The following SUPT16H variants were observed in gnomAD, a reference collection of about 807,000 sequenced individuals.
The protein encoded by SUPT16H is FACT complex subunit SPT16.
A neutral mutation model predicts 136.2 loss-of-function variants in SUPT16H; 24 were observed. That is an observed-to-expected ratio of 0.18 (90% CI 0.13 to 0.25). The LOEUF (loss-of-function observed/expected upper bound fraction) is 0.25, where lower values mean the gene tolerates loss of function less well. Among genes scored for constraint, SUPT16H ranks in the 10% least tolerant of loss-of-function variants. SUPT16H has a pLI of 1.00. For missense variants in SUPT16H, 623 were observed against 1,270.2 expected, an observed-to-expected ratio of 0.49 and a Z score of 7.74; for synonymous variants, 415 against 428.2, an observed-to-expected ratio of 0.97 and a Z score of 0.38.
At chr14:21,374,290 T>C (rs1019359058) in intron 1 of SUPT16H, among the ~76,000 whole-genome samples, 1 of 152,276 alleles carries the variant, frequency 6.6e-6, no homozygotes, top group African/African-American at 2.4e-5. Context: ...TTTTTGTCCT[T>C]GTAGGTTTTG....
At chr14:21,355,513 T>TAAAAAAAAAAAAA (rs59639210) in intron 22 of SUPT16H, among the ~76,000 whole-genome samples, 6 of 113,610 alleles carry the variant, frequency 5.3e-5, no homozygotes, top group South Asian at 2.8e-4. Flanking sequence ...ATAATAATAA[T>TAAAAAAAAAAAAA]AAAAAAAAAA....
At chr14:21,370,598 C>T in intron 3 of SUPT16H, 110 bp from the exon 4 acceptor site, 1 of 1,177,612 alleles carries the variant, frequency 8.5e-7, no homozygotes, top group Non-Finnish European at 1.2e-6. Context: ...AATTAATTCT[C>T]CTCCCATCCC....
chr14:21,373,832 A>G (rs1886839824), intron 1 of SUPT16H, among the ~76,000 whole-genome samples: 1 of 152,120 alleles, frequency 6.6e-6, no homozygotes, highest in Non-Finnish European at 1.5e-5. Context: ...GGTTCAAGCA[A>G]TTCTCCTGCC....
rs755741220 is a variant in SUPT16H at position 21,361,137 on chromosome 14, T to C, written c.1870A>G (p.Ile624Val). The change falls in exon 16 of 26, where the codon ATT becomes GTT. Residue 624 changes from isoleucine to valine, a missense_variant. This residue lies in a region of SUPT16H where 62 missense variants were observed against 200.5 expected (regional missense o/e 0.31). Coordinates refer to ENST00000216297, the MANE Select transcript of SUPT16H (RefSeq NM_007192.4). ...TAACGTTTCTGTACTTCTTTAATAA[T>C]TCGGAAAGCATTCTGAAGGTTCAAG... Reference protein sequence around the residue: ...PALNLQNAFRIIKEVQKRYKT... With the variant: ...PALNLQNAFRVIKEVQKRYKT... The C allele has an allele frequency of 2.5e-6, 4 of 1,614,160 alleles. No individual in the cohort carries two copies. The highest frequency in any genetic ancestry group is 3.4e-6 in the Non-Finnish European group (4 of 1,180,042).
intron 5 of SUPT16H, 34 bp downstream of exon 5, chr14:21,369,716 A>C: frequency 6.2e-7 from 1 of 1,611,346 alleles, no homozygotes; most frequent in Non-Finnish European, 8.5e-7. Flanking sequence ...CTGCTTCATT[A>C]AAACAGTAAA....
intron 8 of SUPT16H, among the ~76,000 whole-genome samples, chr14:21,365,356 T>G (rs1016494667): frequency 1.3e-5 from 2 of 152,252 alleles, no homozygotes; most frequent in Non-Finnish European, 2.9e-5. Context: ...ATTTCCTAAT[T>G]GATTATATCG....
At chr14:21,357,482 G>GTTTT in intron 21 of SUPT16H, 116 bp from the exon 22 acceptor site, 1 of 1,043,616 alleles carries the variant, frequency 9.6e-7, no homozygotes, top group Non-Finnish European at 1.3e-6. Context: ...CTGTTTTTTG[G>GTTTT]TTTTTTTTTT....
rs1006410488 is a variant in SUPT16H, at chr14:21,366,453, A to G, written c.1032T>C (p.Ile344=). 6.2e-7 allele frequency: 1 copy of G among 1,613,876 alleles called. No homozygotes were observed. Among genetic ancestry groups the G allele is most frequent in the African/African-American group, 1.3e-5 (1 of 74,896 alleles). ...KKQKPELLNK[I]TKNLGFGMGI... is the part of the protein sequence containing the mutation. ...TCATGGCATACCCTAGGTTTTTGGT[A>G]ATTTTGTTCAGCAGTTCTGGCTTCT... The change falls in exon 8 of 26, where the codon ATT becomes ATC. Residue 344 remains isoleucine (I), a synonymous_variant. Coordinates refer to ENST00000216297, the MANE Select transcript of SUPT16H (RefSeq NM_007192.4).
intron 22 of SUPT16H, chr14:21,354,931 T>G (rs1886394426): frequency 6.1e-6 from 1 of 163,164 alleles, no homozygotes. Flanking sequence ...CCAGATCATG[T>G]CCCAATGGCT....
At chr14:21,372,332 A>G in intron 2 of SUPT16H, 2 of 357,162 alleles carry the variant, frequency 5.6e-6, no homozygotes, top group East Asian at 6.1e-5. Context: ...TGTTTATAGG[A>G]AGTATATCAA....
chr14:21,357,263 C>G lies in SUPT16H; in HGVS notation c.2594G>C (p.Ser865Thr). The part of the protein sequence containing the change: ...FDMVIVYKDY[S>T]KKVTMINAIP... ...GGCGTTGATCATGGTCACTTTCTTGCTGTAGTCCTTGTAGACGATTACCAT... is the reference window on the plus strand; with the variant it reads ...GGCGTTGATCATGGTCACTTTCTTGGTGTAGTCCTTGTAGACGATTACCAT... Residue 865 changes from serine (S) to threonine (T), a missense_variant, in exon 22 of 26, where the codon AGC becomes ACC. This residue lies in a region of SUPT16H where 74 missense variants were observed against 193.8 expected (regional missense o/e 0.38). Coordinates refer to ENST00000216297, the MANE Select transcript of SUPT16H (RefSeq NM_007192.4). 6.2e-7 allele frequency: 1 copy of G among 1,613,474 alleles called. No homozygotes were observed. Among genetic ancestry groups the G allele is most frequent in the Non-Finnish European group, 8.5e-7 (1 of 1,179,692 alleles).
Position 21,358,301 on chromosome 14 carries a change from A to G in SUPT16H, c.2414+14T>C, listed in dbSNP as rs1886478222. ...AGACCAGTCAAACTTCAAGCCAAAA[A>G]TAAGATAGGTTACCCCAAGTCCCTA... On this transcript the variant is annotated intron_variant, in intron 20 of 25. Transcript: ENST00000216297. 6.4e-7 allele frequency: 1 copy of G among 1,550,514 alleles called. No individual in the cohort carries two copies. Among genetic ancestry groups the G allele is most frequent in the East Asian group, 2.2e-5 (1 of 44,520 alleles).
intron 1 of SUPT16H, among the ~76,000 whole-genome samples, chr14:21,377,378 G>T (rs984329075): frequency 2.6e-5 from 4 of 152,184 alleles, no homozygotes; most frequent in Admixed American, 2.6e-4. Context: ...CTTCTCAAAA[G>T]TAACACTGAA....
chr14:21,358,182 A>T lies in SUPT16H; in HGVS notation c.2414+133T>A, dbSNP rs561641582. 8 of 817,404 alleles carry T rather than the reference A, an allele frequency of 9.8e-6. No individual in the cohort carries two copies. The African/African-American group carries it at 1.4e-4, about 14-fold the overall frequency. The allele number at this position is 817,404 out of a possible 1,614,324, so 50.6% of individuals were successfully genotyped here. A position where few individuals can be genotyped will look rare whatever the true frequency, so the allele number is the denominator to read the frequency against. On this transcript the variant is annotated intron_variant, in intron 20 of 25. Coordinates refer to ENST00000216297, the MANE Select transcript of SUPT16H (RefSeq NM_007192.4). ...TAAACCCTTAAACATTTTCAAGAAA[A>T]AATGGATGTCTCAAAGATTATTAGT...
intron 1 of SUPT16H, 46 bp downstream of exon 1, chr14:21,383,816 G>A (rs1457254151): frequency 1.2e-6 from 2 of 1,607,678 alleles, no homozygotes; most frequent in South Asian, 2.2e-5. Flanking sequence ...GTTATTATGG[G>A]ATGGCTAAGG....
intron 11 of SUPT16H, 24 bp downstream of exon 11, chr14:21,363,414 A>G (rs770705247): frequency 1.2e-5 from 20 of 1,611,974 alleles, no homozygotes; most frequent in Non-Finnish European, 1.6e-5. Context: ...AACTTCCTAT[A>G]CTACTTATCT....
rs143194588 is a variant in SUPT16H at position 21,366,642 on chromosome 14, A to C, written c.956-113T>G. ...AGCAGTGTTTCTCAAAGTGTGAACT[A>C]AACAGTCCACTCACTTTTTTTTTTT... On this transcript the variant is annotated intron_variant, in intron 7 of 25. Coordinates refer to ENST00000216297, the MANE Select transcript of SUPT16H (RefSeq NM_007192.4). The C allele has an allele frequency of 4.2e-6, 4 of 961,620 alleles. No homozygotes were observed. In the African/African-American group the frequency reaches 5.6e-5, roughly 14 times the overall value. The allele number at this position is 961,620 out of a possible 1,614,324, so 59.6% of individuals were successfully genotyped here.
intron 4 of SUPT16H, 132 bp downstream of exon 4, chr14:21,370,204 C>A: frequency 8.0e-7 from 1 of 1,252,970 alleles, no homozygotes; most frequent in South Asian, 1.5e-5. Context: ...GCACACTGCT[C>A]AGCCAAAGGG....
chr14:21,364,927 C>G lies in SUPT16H; in HGVS notation c.1133G>C (p.Ser378Thr). The G allele has an allele frequency of 6.2e-7, 1 of 1,614,030 alleles. No homozygotes were observed. Among genetic ancestry groups the G allele is most frequent in the Non-Finnish European group, 8.5e-7 (1 of 1,180,002 alleles). ...QYKLKKGMVF[S>T]INLGFSDLTN... Reference sequence around the variant, plus strand: ...CAGGTCTGAGAATCCTAAATTGATGCTGAAAACCATTCCTAAAACAGCAAA... The same window carrying G: ...CAGGTCTGAGAATCCTAAATTGATGGTGAAAACCATTCCTAAAACAGCAAA... Residue 378 changes from serine to threonine, a missense_variant, in exon 10 of 26, where the codon AGC becomes ACC. Ser to Thr is a moderately conservative substitution (Grantham distance 58, BLOSUM62 1). Coordinates refer to ENST00000216297, the MANE Select transcript of SUPT16H (RefSeq NM_007192.4).
Sources: allele counts gnomAD v4.1 joint callset (sites outside exome capture counted in the v4.1 genomes callset), GRCh38; gene constraint gnomAD v4.1.1; regional missense constraint gnomAD v4.1.1; transcripts MANE v1.5; gene names NCBI Gene and HGNC (gene_info 2026-07-23, HGNC 2026-07-21).